RAB3GAP1: variants seen among roughly 807,000 people sequenced by gnomAD.
The protein encoded by RAB3GAP1 is rab3 GTPase-activating protein catalytic subunit.
RAB3GAP1 carries 86 observed loss-of-function variants against 130.7 expected under a neutral mutation model. The ratio of observed to expected loss-of-function variants is 0.66; its 90% CI spans 0.55 to 0.79. The LOEUF (loss-of-function observed/expected upper bound fraction) is 0.79. Among genes scored for constraint, RAB3GAP1 ranks in the 30% least tolerant of loss-of-function variants. The pLI is 0.00. For synonymous variants in RAB3GAP1, 367 were observed against 401.7 expected (o/e 0.91, Z 1.03); for missense variants, 1,029 against 1,169.4 (o/e 0.88, Z 1.75).
chr2:135,089,376 G>A (rs1034817191), intron 3 of RAB3GAP1, among the ~76,000 whole-genome samples: 9 of 151,204 alleles, frequency 6.0e-5, no homozygotes, highest in African/African-American at 2.0e-4. Context: ...CTATATTGGC[G>A]CTTTTTTGGT....
chr2:135,087,659 C>A (rs1201704881), intron 3 of RAB3GAP1, among the ~76,000 whole-genome samples: 1 of 152,020 alleles, frequency 6.6e-6, no homozygotes, highest in South Asian at 2.1e-4. Context: ...TTAAAACTTT[C>A]TCTTTCCAAG....
At chr2:135,080,519 G>A (rs893456138) in intron 3 of RAB3GAP1, among the ~76,000 whole-genome samples, 139 of 152,290 alleles carry the variant, frequency 9.1e-4, no homozygotes, top group African/African-American at 3.2e-3. Flanking sequence ...TTAGATCTGA[G>A]TGCCCGAGAT....
At position 135,135,902 on chromosome 2, in the gene RAB3GAP1, T is replaced by C. The variant is rs1691667578; in HGVS notation, c.1893T>C (p.Asn631=). The change falls in exon 17 of 24, where the codon AAT becomes AAC. Residue 631 remains asparagine, a synonymous_variant. Transcript: ENST00000264158. ...YQHGKLTLLH[N]GEPLYIPVTQ... ...ATGGGAAACTTACACTGCTGCATAA[T>C]GGAGAACCTCTCTACATTCCAGTAA... 2 of 1,614,032 alleles carry C rather than the reference T, an allele frequency of 1.2e-6. No homozygotes were observed. The highest frequency in any genetic ancestry group is 2.7e-5 in the African/African-American group (2 of 74,956).
chr2:135,172,480 G>A (rs1692881776), downstream of RAB3GAP1, among the ~76,000 whole-genome samples: 1 of 151,990 alleles, frequency 6.6e-6, no homozygotes, highest in Non-Finnish European at 1.5e-5. Flanking sequence ...AAAATACACT[G>A]CAGAGGCTGG....
chr2:135,071,513 TA>T (rs1689471197), intron 3 of RAB3GAP1, among the ~76,000 whole-genome samples: 2 of 150,588 alleles, frequency 1.3e-5, no homozygotes, highest in Admixed American at 1.3e-4. Context: ...TAAAATAATT[TA>T]CCAAGACAGT....
At chr2:135,062,626 G>C (rs1689208306) in intron 3 of RAB3GAP1, among the ~76,000 whole-genome samples, 1 of 152,206 alleles carries the variant, frequency 6.6e-6, no homozygotes, top group African/African-American at 2.4e-5. Context: ...TCACTTTGGA[G>C]ACATTTTAAC....
intron 3 of RAB3GAP1, among the ~76,000 whole-genome samples, chr2:135,084,855 G>A (rs1315010730): frequency 3.3e-5 from 5 of 152,106 alleles, no homozygotes; most frequent in East Asian, 3.8e-4. Context: ...ATAAGGTATC[G>A]TTCTTGTATT....
chr2:135,168,409 T>G (rs1044161436), intron 23 of RAB3GAP1, 136 bp from the exon 24 acceptor site: 2 of 826,770 alleles, frequency 2.4e-6, no homozygotes, highest in South Asian at 2.7e-5. Context: ...TGAGTAATCT[T>G]AACATATAGC....
intron 18 of RAB3GAP1, among the ~76,000 whole-genome samples, chr2:135,152,360 G>A (rs1692200895): frequency 6.6e-6 from 1 of 152,208 alleles, no homozygotes; most frequent in South Asian, 2.1e-4. Context: ...GCTATGTTCA[G>A]CCTAGTATAG....
chr2:135,108,128 C>T (rs1690687448), intron 5 of RAB3GAP1, among the ~76,000 whole-genome samples: 1 of 151,852 alleles, frequency 6.6e-6, no homozygotes, highest in Non-Finnish European at 1.5e-5. Context: ...AAGAAAAATG[C>T]ATCTTAAAAC....
intron 3 of RAB3GAP1, among the ~76,000 whole-genome samples, chr2:135,068,235 C>A (rs1385924578): frequency 6.6e-6 from 1 of 152,058 alleles, no homozygotes; most frequent in African/African-American, 2.4e-5. Flanking sequence ...AAGTTTAATT[C>A]TGAGATAGAT....
chr2:135,092,979 A>G (rs1307396967), intron 4 of RAB3GAP1, among the ~76,000 whole-genome samples: 1 of 152,240 alleles, frequency 6.6e-6, no homozygotes, highest in Non-Finnish European at 1.5e-5. Flanking sequence ...GCACCAAATC[A>G]TTAGCATTCT....
At chr2:135,088,991 C>T (rs1690064239) in intron 3 of RAB3GAP1, among the ~76,000 whole-genome samples, 1 of 152,094 alleles carries the variant, frequency 6.6e-6, no homozygotes, top group South Asian at 2.1e-4. Context: ...GCTAATATGC[C>T]TAGGTTTTCT....
rs549172376 is a variant in RAB3GAP1 at position 135,103,318 on chromosome 2, C to T, written c.362+9625C>T. 4.4e-4 allele frequency among the ~76,000 whole-genome samples: 67 copies of T among 152,012 alleles called. 1 individual carries two copies. The highest frequency in any genetic ancestry group is 2.9e-3 in the Admixed American group (45 of 15,278). Reference sequence around the variant, plus strand: ...TCCCAAAGTGCTAGGATTACAGGCACGAGCCACCGTGCCCAGCCTTATTTT... The same window carrying T: ...TCCCAAAGTGCTAGGATTACAGGCATGAGCCACCGTGCCCAGCCTTATTTT... On this transcript the variant is annotated intron_variant, in intron 5 of 23. Coordinates refer to ENST00000264158, the MANE Select transcript of RAB3GAP1 (RefSeq NM_012233.3).
intron 3 of RAB3GAP1, among the ~76,000 whole-genome samples, chr2:135,078,559 T>C (rs1023086553): frequency 2.0e-5 from 3 of 151,880 alleles, no homozygotes; most frequent in African/African-American, 4.8e-5. Flanking sequence ...CATATCATTT[T>C]ATTTTAATTA....
intron 17 of RAB3GAP1, among the ~76,000 whole-genome samples, chr2:135,140,525 A>G (rs1009329886): frequency 2.0e-5 from 3 of 152,230 alleles, no homozygotes; most frequent in African/African-American, 4.8e-5. Context: ...GAAAAGGCAC[A>G]TGGGATGAAG....
Position 135,169,944 on chromosome 2 carries a change from A to C in RAB3GAP1, c.*1163A>C, listed in dbSNP as rs1692799611. 2 of 319,142 alleles carry C rather than the reference A, an allele frequency of 6.3e-6. No homozygotes were observed. The highest frequency in any genetic ancestry group is 1.2e-5 in the Non-Finnish European group (2 of 162,406). 19.8% of individuals were successfully genotyped at this position (319,142 alleles called of 1,614,324 possible). ...CTTGCCTGTGTAATTTTAAAAAATTAATAGAGCTGTGCAAACCCTGTTATT... is the reference window on the plus strand; with the variant it reads ...CTTGCCTGTGTAATTTTAAAAAATTCATAGAGCTGTGCAAACCCTGTTATT... On this transcript the variant is annotated 3_prime_UTR_variant, in exon 24 of 24. Transcript: ENST00000264158.
In RAB3GAP1 at chr2:135,130,630, A is replaced by G. The variant is rs778327277; in HGVS notation, c.1145A>G (p.Asn382Ser). 1.2e-6 allele frequency: 2 copies of G among 1,613,830 alleles called. No individual in the cohort carries two copies. The highest frequency in any genetic ancestry group is 1.7e-6 in the Non-Finnish European group (2 of 1,179,760). ...SVPIHKLSVS[N>S]MVHTAKKKIR... is the part of the protein sequence containing the mutation. ...CCAATTCATAAATTATCAGTTTCAA[A>G]TATGGTACACACTGCAAAGAAGAAA... Residue 382 changes from asparagine (N) to serine (S), a missense_variant, in exon 13 of 24, where the codon AAT becomes AGT. Physicochemically the swap from Asn to Ser is conservative, Grantham distance 46. Transcript: ENST00000264158.
intron 3 of RAB3GAP1, among the ~76,000 whole-genome samples, chr2:135,072,026 C>G (rs961642067): frequency 1.3e-5 from 2 of 152,190 alleles, no homozygotes; most frequent in African/African-American, 2.4e-5. Context: ...AGTTCTCGTG[C>G]CTCAGCTTCC....
Sources: allele counts gnomAD v4.1 joint callset (sites outside exome capture counted in the v4.1 genomes callset), GRCh38; gene constraint gnomAD v4.1.1; transcripts MANE v1.5; gene names NCBI Gene and HGNC (gene_info 2026-07-23, HGNC 2026-07-21).